Variants in WASF3 observed in about 807,000 individuals in gnomAD.
WASF3 encodes the protein WASP family member 3.
Under a neutral mutation model 46.6 loss-of-function variants are expected in WASF3, and 11 were observed. The observed-to-expected ratio is 0.24, with a 90% CI of 0.15 to 0.39. The LOEUF (loss-of-function observed/expected upper bound fraction) is 0.39. Among genes scored for constraint, WASF3 ranks in the 10% least tolerant of loss-of-function variants. The pLI, the probability that WASF3 is intolerant of heterozygous loss-of-function variation, is 1.00. For synonymous variants in WASF3, 242 were observed against 259.7 expected, an observed-to-expected ratio of 0.93 and a Z score of 0.65; for missense variants, 576 against 669.8, an observed-to-expected ratio of 0.86 and a Z score of 1.55.
intron 1 of WASF3, among the ~76,000 whole-genome samples, chr13:26,567,703 A>AT (rs1177219839): frequency 6.9e-6 from 1 of 144,372 alleles, no homozygotes; most frequent in Non-Finnish European, 1.6e-5. Flanking sequence ...GACATTAAAA[A>AT]AAAAATATAT....
intron 2 of WASF3, among the ~76,000 whole-genome samples, chr13:26,635,159 C>T (rs953106885): frequency 1.3e-5 from 2 of 152,162 alleles, no homozygotes; most frequent in African/African-American, 2.4e-5. Flanking sequence ...CACATAGTCC[C>T]GTATTTCTTG....
chr13:26,613,599 C>T lies in WASF3; in HGVS notation c.-11+541C>T, dbSNP rs553009907. Among the ~76,000 whole-genome samples the T allele has an allele frequency of 2.6e-5, 4 of 152,292 alleles. No homozygotes were observed. In the East Asian group the frequency reaches 7.7e-4, roughly 29 times the overall value. ...CCTGGCTAACACAGTGAAAGCCCAT[C>T]TCTACTAAAAACACACAACAATTAG... On this transcript the variant is annotated intron_variant, in intron 2 of 9. Transcript: ENST00000335327.
At chr13:26,586,532 G>A (rs1276038839) in intron 1 of WASF3, among the ~76,000 whole-genome samples, 1 of 152,120 alleles carries the variant, frequency 6.6e-6, no homozygotes, top group Admixed American at 6.6e-5. Context: ...GCTATATAAT[G>A]TTTTAATATC....
intron 1 of WASF3, among the ~76,000 whole-genome samples, chr13:26,610,013 A>G (rs937563938): frequency 6.6e-6 from 1 of 152,206 alleles, no homozygotes; most frequent in African/African-American, 2.4e-5. Context: ...GCACATTTCA[A>G]GCTGGATCCA....
rs903735183 is a variant in WASF3 at position 26,686,101 on chromosome 13, G to C, written c.*256G>C. On this transcript the variant is annotated 3_prime_UTR_variant, in exon 10 of 10. Coordinates refer to ENST00000335327, the MANE Select transcript of WASF3 (RefSeq NM_006646.6). ...TCACATTGTCCTGAAAACAGCATCT[G>C]CTTTCCTCTTGGCCATGAGAGTATT... is the stretch of plus-strand genomic sequence containing the variant. The C allele has an allele frequency of 2.2e-6, 1 of 446,712 alleles. No individual in the cohort carries two copies. Among genetic ancestry groups the C allele is most frequent in the Non-Finnish European group, 4.0e-6 (1 of 249,640 alleles). 27.7% of individuals were successfully genotyped at this position (446,712 alleles called of 1,614,324 possible).
chr13:26,671,885 G>T lies in WASF3; in HGVS notation c.436G>T (p.Asp146Tyr), dbSNP rs759808635. 1.9e-6 allele frequency: 3 copies of T among 1,595,894 alleles called. No individual in the cohort carries two copies. The Admixed American group carries it at 5.6e-5, about 30-fold the overall frequency. Residue 146 changes from aspartate to tyrosine, a missense_variant, in exon 6 of 10, where the codon GAT (aspartate) becomes TAT (tyrosine). Asp to Tyr is a radical substitution (Grantham distance 160). Transcript: ENST00000335327. ...ILTPYRDDKK[D>Y]GLKFYTDPSY... Reference sequence around the variant, plus strand: ...ATTGATTTGTAGAGATGACAAGAAGGATGGGCTGAAGTTCTATACTGATCC... The same window carrying T: ...ATTGATTTGTAGAGATGACAAGAAGTATGGGCTGAAGTTCTATACTGATCC...
At chr13:26,554,262 T>A (rs1282802330), upstream of WASF3, among the ~76,000 whole-genome samples, 1 of 151,918 alleles carries the variant, frequency 6.6e-6, no homozygotes, top group African/African-American at 2.4e-5. Context: ...TCTGAGTGGC[T>A]GGGACTACAG....
intron 1 of WASF3, among the ~76,000 whole-genome samples, chr13:26,605,096 C>T (rs570048822): frequency 3.5e-4 from 53 of 152,260 alleles, no homozygotes; most frequent in Non-Finnish European, 6.9e-4. Context: ...GTCCAGCTGC[C>T]CTGCTGGCCC....
chr13:26,624,066 T>G (rs542486876), intron 2 of WASF3, among the ~76,000 whole-genome samples: 1 of 152,122 alleles, frequency 6.6e-6, no homozygotes, highest in Non-Finnish European at 1.5e-5. Context: ...GCAAATGATA[T>G]CCAGCATTCA....
At chr13:26,639,807 A>ACAGGGTCCT (rs1881940195) in intron 2 of WASF3, 1 of 152,478 alleles carries the variant, frequency 6.6e-6, no homozygotes, top group Non-Finnish European at 1.5e-5. Flanking sequence ...CATAGGAAGC[A>ACAGGGTCCT]CAGGGTCCTT....
At chr13:26,627,773 T>C (rs1881513727) in intron 2 of WASF3, among the ~76,000 whole-genome samples, 1 of 151,686 alleles carries the variant, frequency 6.6e-6, no homozygotes, top group Non-Finnish European at 1.5e-5. Flanking sequence ...TTAAAATAGA[T>C]ATACCTAATG....
At chr13:26,646,543 C>T (rs186649747) in intron 3 of WASF3, among the ~76,000 whole-genome samples, 158 of 152,300 alleles carry the variant, frequency 1.0e-3, no homozygotes, top group African/African-American at 3.6e-3. Flanking sequence ...CACTCCCCTC[C>T]CACCCTTACC....
At chr13:26,591,213 C>G (rs905543485) in intron 1 of WASF3, among the ~76,000 whole-genome samples, 2 of 151,782 alleles carry the variant, frequency 1.3e-5, no homozygotes, top group African/African-American at 4.8e-5. Context: ...TCATGTGGCT[C>G]TCTTAGGTCA....
At chr13:26,639,032 C>G (rs1178489874) in intron 2 of WASF3, among the ~76,000 whole-genome samples, 1 of 152,178 alleles carries the variant, frequency 6.6e-6, no homozygotes, top group Admixed American at 6.5e-5. Flanking sequence ...GAGGCCCTTA[C>G]CAGGTGCAGG....
intron 1 of WASF3, among the ~76,000 whole-genome samples, chr13:26,596,319 AATTGG>A (rs1275720698): frequency 6.7e-6 from 1 of 149,842 alleles, no homozygotes; most frequent in Non-Finnish European, 1.5e-5. Context: ...CTCTTTTCAT[AATTGG>A]ATTGTTTACT....
upstream of WASF3, among the ~76,000 whole-genome samples, chr13:26,555,115 G>A (rs547217458): frequency 4.0e-4 from 61 of 152,274 alleles, no homozygotes; most frequent in African/African-American, 1.4e-3. Context: ...GTATGTCATA[G>A]TATTTCATTT....
At chr13:26,587,912 C>T (rs1880178988) in intron 1 of WASF3, among the ~76,000 whole-genome samples, 1 of 152,160 alleles carries the variant, frequency 6.6e-6, no homozygotes, top group South Asian at 2.1e-4. Flanking sequence ...TGGAAAGTTA[C>T]ATTGAGAATT....
chr13:26,607,988 G>A (rs763366376), intron 1 of WASF3, among the ~76,000 whole-genome samples: 1 of 147,714 alleles, frequency 6.8e-6, no homozygotes, highest in Non-Finnish European at 1.5e-5. Flanking sequence ...GGTTTGGTGT[G>A]GTCTACTGGG....
chr13:26,672,727 C>T (rs527798316), intron 6 of WASF3, among the ~76,000 whole-genome samples: 3 of 152,134 alleles, frequency 2.0e-5, no homozygotes, highest in South Asian at 2.1e-4. Context: ...CAGATTAGAG[C>T]GCTTTATTTA....
Sources: allele counts gnomAD v4.1 joint callset (sites outside exome capture counted in the v4.1 genomes callset), GRCh38; gene constraint gnomAD v4.1.1; transcripts MANE v1.5; gene names NCBI Gene and HGNC (gene_info 2026-07-23, HGNC 2026-07-21).